TAF1B: variants seen among roughly 807,000 people sequenced by gnomAD.
TAF1B encodes TATA-box binding protein associated factor, RNA polymerase I subunit B.
Under a neutral mutation model 83.9 loss-of-function variants are expected in TAF1B, and 61 were observed. That is an observed-to-expected ratio of 0.73 (90% CI 0.59 to 0.90). The LOEUF is 0.90. Ranked by LOEUF, TAF1B falls within the 40% of genes least tolerant of loss-of-function variation. TAF1B has a pLI of 0.00. For missense variants in TAF1B, 625 were observed against 677.0 expected, an observed-to-expected ratio of 0.92 and a Z score of 0.85; for synonymous variants, 221 against 224.6, an observed-to-expected ratio of 0.98 and a Z score of 0.14.
At chr2:9,899,460 A>G (rs419453) in intron 8 of TAF1B, among the ~76,000 whole-genome samples, 144,121 of 152,192 alleles carry the variant, frequency 0.95, 68,736 homozygotes, top group East Asian at 1. Flanking sequence ...ATACATTTAC[A>G]TACATACATA....
At position 9,862,348 on chromosome 2, in the gene TAF1B, A is replaced by G. The variant is rs557068453; in HGVS notation, c.400-5928A>G. On this transcript the variant is annotated intron_variant, in intron 5 of 14. Coordinates refer to ENST00000263663, the MANE Select transcript of TAF1B (RefSeq NM_005680.3). ...TCAACTGGAAGAAAGTGTATCCATG[A>G]TGGAAGATGAAATGAATGAAATGAA... is the stretch of plus-strand genomic sequence containing the variant. Among the ~76,000 whole-genome samples, 12 of 152,328 alleles carry G rather than the reference A, an allele frequency of 7.9e-5. No individual in the cohort carries two copies. In the South Asian group the frequency reaches 2.5e-3, roughly 32 times the overall value.
At chr2:9,860,866 A>G (rs62127565) in intron 5 of TAF1B, among the ~76,000 whole-genome samples, 36,763 of 152,096 alleles carry the variant, frequency 0.24, 5,011 homozygotes, top group East Asian at 0.31. Context: ...ATTGGAGACA[A>G]CAAATTTGGA....
intron 7 of TAF1B, among the ~76,000 whole-genome samples, chr2:9,878,705 C>T (rs1356731440): frequency 1.3e-5 from 2 of 152,212 alleles, no homozygotes; most frequent in Non-Finnish European, 2.9e-5. Context: ...GTTCTGGCAT[C>T]TAGACCCTTG....
At chr2:9,929,377 C>T (rs539294850) in intron 14 of TAF1B, among the ~76,000 whole-genome samples, 38 of 152,280 alleles carry the variant, frequency 2.5e-4, no homozygotes, top group African/African-American at 8.9e-4. Context: ...CCAAGACGGT[C>T]TCAATCTCCT....
At chr2:9,919,932 A>G in intron 14 of TAF1B, 112 bp downstream of exon 14, 1 of 962,164 alleles carries the variant, frequency 1.0e-6, no homozygotes. Flanking sequence ...CACGAAAATC[A>G]GAATTATACA....
At chr2:9,856,014 G>C (rs984302757) in intron 5 of TAF1B, among the ~76,000 whole-genome samples, 1 of 152,168 alleles carries the variant, frequency 6.6e-6, no homozygotes, top group Non-Finnish European at 1.5e-5. Context: ...GAATCTGTTT[G>C]ATACACATTT....
At chr2:9,854,270 T>G (rs1010494941) in intron 4 of TAF1B, 56 bp from the exon 5 acceptor site, 1 of 1,205,320 alleles carries the variant, frequency 8.3e-7, no homozygotes, top group Non-Finnish European at 1.2e-6. Flanking sequence ...TAGATGTGCC[T>G]GTACATTTGT....
In TAF1B at chr2:9,910,582, T is replaced by C. The variant is rs77636571; in HGVS notation, c.956-154T>C. On this transcript the variant is annotated intron_variant, in intron 9 of 14. Transcript: ENST00000263663. ...TAAGATTCTACCATTCATTTTTCTA[T>C]ATGGATGCCATGTTTTGATGTTTTA... Among the ~76,000 whole-genome samples the C allele has an allele frequency of 3.9e-3, 594 of 152,366 alleles. 3 individuals are homozygous for C. The highest frequency in any genetic ancestry group is 0.013 in the African/African-American group (554 of 41,586).
chr2:9,849,585 A>G, intron 3 of TAF1B, 125 bp downstream of exon 3: 1 of 601,570 alleles, frequency 1.7e-6, no homozygotes, highest in Non-Finnish European at 2.7e-6. Flanking sequence ...CTACTGGCAT[A>G]CGTTCTTCTA....
rs779972180 is a variant in TAF1B, at chr2:9,919,775, C to A, written c.1520C>A (p.Thr507Asn). 7.9e-5 allele frequency: 128 copies of A among 1,613,996 alleles called. 1 individual carries two copies. The highest frequency in any genetic ancestry group is 4.9e-4 in the Middle Eastern group (3 of 6,084). The change falls in exon 14 of 15, where the codon ACT (threonine) becomes AAT (asparagine). Residue 507 changes from threonine (T) to asparagine (N), a missense_variant. Physicochemically the swap from Thr to Asn is moderately conservative, Grantham distance 65. Coordinates refer to ENST00000263663, the MANE Select transcript of TAF1B (RefSeq NM_005680.3). ...AAAGAGAAAGGCCAATCACTGCTGA[C>A]TAAGAATTCATTATATTGGCTTAGT... The part of the protein sequence containing the change: ...VLKEKGQSLL[T>N]KNSLYWLSTQ...
intron 5 of TAF1B, among the ~76,000 whole-genome samples, chr2:9,863,498 G>A (rs1245814439): frequency 6.6e-6 from 1 of 151,950 alleles, no homozygotes; most frequent in African/African-American, 2.4e-5. Context: ...AATAATAATG[G>A]GAGACTTTAA....
At chr2:9,902,180 C>T (rs1665198164) in intron 8 of TAF1B, among the ~76,000 whole-genome samples, 1 of 151,610 alleles carries the variant, frequency 6.6e-6, no homozygotes, top group South Asian at 2.1e-4. Flanking sequence ...GGTCTTTCCA[C>T]CTTTGTATTT....
chr2:9,858,889 G>A (rs1663655726), intron 5 of TAF1B, among the ~76,000 whole-genome samples: 1 of 152,166 alleles, frequency 6.6e-6, no homozygotes, highest in Non-Finnish European at 1.5e-5. Context: ...TAGGCATCTG[G>A]GCCTGTGATG....
intron 6 of TAF1B, among the ~76,000 whole-genome samples, chr2:9,874,246 G>C (rs931784815): frequency 1.3e-5 from 2 of 152,068 alleles, no homozygotes; most frequent in African/African-American, 4.8e-5. Context: ...GTTCACTCCT[G>C]CTAATATACT....
In TAF1B at chr2:9,868,271, A is replaced by C; in HGVS notation, c.400-5A>C. 1 of 1,613,730 alleles carries C rather than the reference A, an allele frequency of 6.2e-7. No individual in the cohort carries two copies. Among genetic ancestry groups the C allele is most frequent in the Non-Finnish European group, 8.5e-7 (1 of 1,179,860 alleles). On this transcript the variant is annotated splice_polypyrimidine_tract_variant and splice_region_variant and intron_variant, in intron 5 of 14. Coordinates refer to ENST00000263663, the MANE Select transcript of TAF1B (RefSeq NM_005680.3). ...ATAATTTTATTTATATTGTTTTGCA[A>C]ACAGGTATTAGAAGATAATCTAAGT... is the stretch of plus-strand genomic sequence containing the variant.
At chr2:9,861,895 A>G (rs1398734776) in intron 5 of TAF1B, among the ~76,000 whole-genome samples, 1 of 152,222 alleles carries the variant, frequency 6.6e-6, no homozygotes, top group Non-Finnish European at 1.5e-5. Context: ...CCTGACTGTT[A>G]GAAGGAAAAC....
chr2:9,916,837 C>CTTTTTTTTTCTTTTTTTTTT (rs1665694091), intron 12 of TAF1B, among the ~76,000 whole-genome samples: 1 of 95,720 alleles, frequency 1.0e-5, no homozygotes. Context: ...CCTTTCTGTT[C>CTTTTTTTTTCTTTTTTTTTT]TTTTTTTTTT....
intron 14 of TAF1B, among the ~76,000 whole-genome samples, chr2:9,920,584 G>GC (rs1665846517): frequency 2.1e-5 from 2 of 97,476 alleles, no homozygotes; most frequent in African/African-American, 8.1e-5. Context: ...TGGGGCGGGG[G>GC]GCGGGGGGTC....
chr2:9,857,043 A>G (rs557142297), intron 5 of TAF1B, among the ~76,000 whole-genome samples: 46 of 152,280 alleles, frequency 3.0e-4, no homozygotes, highest in African/African-American at 1.1e-3. Context: ...AGAAGAAGCA[A>G]ATTAACAAGC....
Sources: allele counts gnomAD v4.1 joint callset (sites outside exome capture counted in the v4.1 genomes callset), GRCh38; gene constraint gnomAD v4.1.1; transcripts MANE v1.5; gene names NCBI Gene and HGNC (gene_info 2026-07-23, HGNC 2026-07-21).